Variants in RRP36 observed in about 807,000 individuals in gnomAD.
RRP36 encodes ribosomal RNA processing protein 36 homolog.
Under a neutral mutation model 39.8 loss-of-function variants are expected in RRP36, and 44 were observed. The observed-to-expected ratio is 1.10, with a 90% confidence interval of 0.87 to 1.42. The LOEUF (loss-of-function observed/expected upper bound fraction) is 1.42, where lower values mean the gene tolerates loss of function less well. RRP36 is among the 40% of genes most tolerant of loss of function. The pLI is 0.00. For synonymous variants in RRP36, 124 were observed against 123.1 expected, an observed-to-expected ratio of 1.01 and a Z score of -0.05; for missense variants, 316 against 322.4, an observed-to-expected ratio of 0.98 and a Z score of 0.15.
At chr6:43,025,866 C>T (rs1247244986) in intron 3 of RRP36, among the ~76,000 whole-genome samples, 171 bp from the exon 4 acceptor site, 1 of 151,600 alleles carries the variant, frequency 6.6e-6, no homozygotes, top group Non-Finnish European at 1.5e-5. Flanking sequence ...TTGGGAGGCA[C>T]AGCTTGCAGT....
In RRP36 at chr6:43,029,192, C is replaced by A; in HGVS notation, c.744C>A (p.Gly248=). 1 of 1,614,236 alleles carries A rather than the reference C, an allele frequency of 6.2e-7. No individual in the cohort carries two copies. Among genetic ancestry groups the A allele is most frequent in the Non-Finnish European group, 8.5e-7 (1 of 1,180,046 alleles). The part of the protein sequence containing the change: ...FLSRKRRRNA[G]KDRRHLPLSK... ...GTCGAAAGAGGCGACGAAATGCAGG[C>A]AAGGACAGGAGACATCTCCCTTTGA... The change falls in exon 7 of 7, where the codon GGC becomes GGA. Residue 248 remains glycine (G), a synonymous_variant. Coordinates refer to ENST00000244496, the MANE Select transcript of RRP36 (RefSeq NM_033112.4).
Position 43,022,508 on chromosome 6 carries a change from G to A in RRP36, c.130+724G>A, listed in dbSNP as rs564663971. Among the ~76,000 whole-genome samples, 285 of 152,084 alleles carry A rather than the reference G, an allele frequency of 1.9e-3. 1 individual carries two copies. The Middle Eastern group carries it at 0.021, about 11-fold the overall frequency. Reference sequence around the variant, plus strand: ...GGCTCACTGCGGCCTCGAACTCCCGGGCCCAAGAGATCCTCCTACCTCAGC... The same window carrying A: ...GGCTCACTGCGGCCTCGAACTCCCGAGCCCAAGAGATCCTCCTACCTCAGC... On this transcript the variant is annotated intron_variant, in intron 1 of 6. Transcript: ENST00000244496.
At position 43,021,660 on chromosome 6, in the gene RRP36, G is replaced by A. The variant is rs777975494; in HGVS notation, c.6G>A (p.Pro2=). M[P]GANYRAGAGA... ...CCGAGCGCTACTGCCAGCTGATGCC[G>A]GGAGCTAACTACCGCGCCGGGGCCG... is the stretch of plus-strand genomic sequence containing the variant. The change falls in exon 1 of 7, where the codon CCG becomes CCA. Residue 2 remains proline, a synonymous_variant. Transcript: ENST00000244496. The A allele has an allele frequency of 7.8e-7, 1 of 1,279,338 alleles. No homozygotes were observed. Among genetic ancestry groups the A allele is most frequent in the South Asian group, 3.2e-5 (1 of 31,020 alleles). The allele number at this position is 1,279,338 out of a possible 1,614,324, so 79.2% of individuals were successfully genotyped here.
rs1002368059 is a variant in RRP36 at position 43,029,206 on chromosome 6, A to G, written c.758A>G (p.His253Arg). The change falls in exon 7 of 7, where the codon CAT becomes CGT. Residue 253 changes from histidine (H) to arginine (R), a missense_variant. His to Arg is a conservative substitution (Grantham distance 29). Coordinates refer to ENST00000244496, the MANE Select transcript of RRP36 (RefSeq NM_033112.4). ...CGAAATGCAGGCAAGGACAGGAGAC[A>G]TCTCCCTTTGAGCAAAGAGTAATAA... ...RRRNAGKDRR[H>R]LPLSKE The G allele has an allele frequency of 1.2e-6, 2 of 1,614,126 alleles. No homozygotes were observed. Among genetic ancestry groups the G allele is most frequent in the African/African-American group, 2.7e-5 (2 of 74,950 alleles).
At chr6:43,027,666 C>G (rs1762838752) in intron 6 of RRP36, among the ~76,000 whole-genome samples, 189 bp downstream of exon 6, 1 of 150,266 alleles carries the variant, frequency 6.7e-6, no homozygotes, top group Admixed American at 6.7e-5. Flanking sequence ...TAGATCATGG[C>G]AGGCATTGTC....
intron 4 of RRP36, among the ~76,000 whole-genome samples, chr6:43,026,610 T>C (rs1413737730): frequency 6.6e-6 from 1 of 151,906 alleles, no homozygotes; most frequent in African/African-American, 2.4e-5. Context: ...GAGACAAAGG[T>C]TGCAGTGAGA....
At chr6:43,026,971 C>T (rs1762822463) in intron 4 of RRP36, among the ~76,000 whole-genome samples, 1 of 151,958 alleles carries the variant, frequency 6.6e-6, no homozygotes, top group African/African-American at 2.4e-5. Flanking sequence ...GAGGCTGAGG[C>T]AGGGGAATTG....
intron 3 of RRP36, 72 bp downstream of exon 3, chr6:43,025,401 C>A: frequency 7.4e-7 from 1 of 1,346,734 alleles, no homozygotes; most frequent in Non-Finnish European, 1.1e-6. Context: ...GGTGGGCGAT[C>A]ACCTGAGATC....
At position 43,028,647 on chromosome 6, in the gene RRP36, CA is replaced by C. The variant is rs373505678; in HGVS notation, c.644-434del. 7.7e-4 allele frequency among the ~76,000 whole-genome samples: 98 copies of C among 126,688 alleles called. 1 individual carries two copies. Among genetic ancestry groups the C allele is most frequent in the African/African-American group, 1.5e-3 (49 of 33,622 alleles). The allele number at this position is 126,688 out of a possible 152,430, so 83.1% of individuals were successfully genotyped here. On this transcript the variant is annotated intron_variant, in intron 6 of 6. Coordinates refer to ENST00000244496, the MANE Select transcript of RRP36 (RefSeq NM_033112.4). ...TGGGTGACAGAGTGAGACTCCATCTCAAAAAAAAAAAGTCACCCGTTGGCCA... is the reference window on the plus strand; with the variant it reads ...TGGGTGACAGAGTGAGACTCCATCTCAAAAAAAAAAGTCACCCGTTGGCCA...
At chr6:43,024,338 G>C (rs1449372895) in intron 1 of RRP36, among the ~76,000 whole-genome samples, 5 of 152,156 alleles carry the variant, frequency 3.3e-5, no homozygotes, top group African/African-American at 9.7e-5. Context: ...ACATTGAGAG[G>C]AGTGAGAAGG....
intron 6 of RRP36, among the ~76,000 whole-genome samples, chr6:43,028,766 C>T (rs547345158): frequency 6.6e-6 from 1 of 152,092 alleles, no homozygotes; most frequent in Admixed American, 6.6e-5. Flanking sequence ...GCCTGGCCAA[C>T]ATGGCGTAAC....
chr6:43,022,104 T>A (rs1762727555), intron 1 of RRP36, among the ~76,000 whole-genome samples: 1 of 152,136 alleles, frequency 6.6e-6, no homozygotes, highest in Non-Finnish European at 1.5e-5. Flanking sequence ...TAGACTTTGT[T>A]TTTTTAATTT....
chr6:43,027,199 A>G lies in RRP36; in HGVS notation c.472A>G (p.Lys158Glu). The G allele has an allele frequency of 6.2e-7, 1 of 1,614,200 alleles. No individual in the cohort carries two copies. Among genetic ancestry groups the G allele is most frequent in the Non-Finnish European group, 8.5e-7 (1 of 1,179,994 alleles). The change falls in exon 5 of 7, where the codon AAG becomes GAG. Residue 158 changes from lysine (K) to glutamate (E), a missense_variant. Transcript: ENST00000244496. The stretch of plus-strand genomic sequence containing the variant: ...GGAGCTTGTGAAAAAACAGTTGAAG[A>G]AGCACCTTTCAGGAGAGGAGCATGA... ...EKELVKKQLK[K>E]HLSGEEHEKL... is the part of the protein sequence containing the mutation.
Position 43,026,106 on chromosome 6 carries a change from C to T in RRP36, c.415C>T (p.Gln139Ter). ...TCCTGAGGTGTTTGACAAAACATAC[C>T]AATTCTTGAATGACATCCGAGCGAA... ...YNPEVFDKTY[Q>*]FLNDIRAKEK... The change falls in exon 4 of 7, where the codon CAA (glutamine) becomes TAA (stop). Residue 139 changes from glutamine to a stop codon, truncating the protein, a stop_gained. Transcript: ENST00000244496. LOFTEE classifies it high-confidence loss of function. 2 of 1,613,628 alleles carry T rather than the reference C, an allele frequency of 1.2e-6. No individual in the cohort carries two copies. Among genetic ancestry groups the T allele is most frequent in the Non-Finnish European group, 1.7e-6 (2 of 1,179,676 alleles).
chr6:43,024,752 GT>G (rs1762781045), intron 1 of RRP36, among the ~76,000 whole-genome samples: 1 of 152,160 alleles, frequency 6.6e-6, no homozygotes, highest in African/African-American at 2.4e-5. Flanking sequence ...AGGGACTATG[GT>G]TTGGTGCACC....
chr6:43,025,184 T>C (rs754887097), intron 2 of RRP36, 52 bp downstream of exon 2: 1 of 1,612,736 alleles, frequency 6.2e-7, no homozygotes, highest in East Asian at 2.2e-5. Context: ...CTTGAATAGG[T>C]ATGTTGTCTT....
intron 1 of RRP36, among the ~76,000 whole-genome samples, chr6:43,022,389 C>A (rs542509087): frequency 1.3e-5 from 2 of 152,068 alleles, no homozygotes; most frequent in East Asian, 3.9e-4. Context: ...TGAGCCACTG[C>A]GCCCAGCCTG....
In RRP36 at chr6:43,024,982, C is replaced by A; in HGVS notation, c.131-3C>A. 6.2e-7 allele frequency: 1 copy of A among 1,613,650 alleles called. No homozygotes were observed. ...AGTTGTATGTCCCTCCCCACTTCCA[C>A]AGGCACATCTAACATGTCATTTGAG... On this transcript the variant is annotated splice_region_variant and splice_polypyrimidine_tract_variant and intron_variant, in intron 1 of 6. Transcript: ENST00000244496.
intron 6 of RRP36, among the ~76,000 whole-genome samples, chr6:43,027,762 T>TACACACACACACAC (rs57851236): frequency 2.4e-5 from 2 of 81,696 alleles, no homozygotes; most frequent in South Asian, 5.0e-4. Context: ...TGGTCTACAC[T>TACACACACACACAC]ACACACACAC....
Sources: allele counts gnomAD v4.1 joint callset (sites outside exome capture counted in the v4.1 genomes callset), GRCh38; gene constraint gnomAD v4.1.1; transcripts MANE v1.5; gene names NCBI Gene and HGNC (gene_info 2026-07-23, HGNC 2026-07-21).